Variants in EPHX3 observed in about 807,000 individuals in gnomAD.
EPHX3 encodes the protein epoxide hydrolase 3, also known as abhydrolase domain containing 9.
Under a neutral mutation model 40.2 loss-of-function variants are expected in EPHX3, and 39 were observed. The observed-to-expected ratio is 0.97, with a 90% CI of 0.75 to 1.27. The LOEUF (loss-of-function observed/expected upper bound fraction) is 1.27, where lower values mean the gene tolerates loss of function less well. Among genes scored for constraint, EPHX3 ranks in the 50% most tolerant of loss-of-function variants. The pLI is 0.00. For missense variants in EPHX3, 442 were observed against 474.0 expected (o/e 0.93, Z 0.63); for synonymous variants, 213 against 209.7 (o/e 1.02, Z -0.14).
chr19:15,233,284 G>A (rs2047168123), upstream of EPHX3: 2 of 152,496 alleles, frequency 1.3e-5, no homozygotes, highest in Non-Finnish European at 2.9e-5. Flanking sequence ...AGGGAGGCGC[G>A]GGCGGTATTA....
At position 15,227,682 on chromosome 19, in the gene EPHX3, A is replaced by G. The variant is rs748318551; in HGVS notation, c.858-20T>C. 2 of 1,612,004 alleles carry G rather than the reference A, an allele frequency of 1.2e-6. No homozygotes were observed. The highest frequency in any genetic ancestry group is 1.1e-5 in the South Asian group (1 of 90,924). On this transcript the variant is annotated intron_variant, in intron 6 of 6. Transcript: ENST00000221730. ...AAGTTCCTGTGGCCAGGACAGACAG[A>G]CAGGCAGACAGACAGGCAGAAGGAT... is the stretch of plus-strand genomic sequence containing the variant.
chr19:15,233,928 C>T (rs2047172758), upstream of EPHX3, among the ~76,000 whole-genome samples: 1 of 152,144 alleles, frequency 6.6e-6, no homozygotes, highest in Non-Finnish European at 1.5e-5. Flanking sequence ...GGCGTGGTGG[C>T]GGGCGCCTGT....
chr19:15,228,474 G>A (rs2047129267), intron 4 of EPHX3, among the ~76,000 whole-genome samples: 1 of 149,534 alleles, frequency 6.7e-6, no homozygotes, highest in Non-Finnish European at 1.5e-5. Flanking sequence ...GTTCATCCTA[G>A]GCAACTTAAG....
At chr19:15,228,144 G>A (rs778031840) in intron 4 of EPHX3, 44 bp from the exon 5 acceptor site, 2 of 1,496,516 alleles carry the variant, frequency 1.3e-6, no homozygotes, top group African/African-American at 2.7e-5. Flanking sequence ...CCTGCTCCTG[G>A]GGTGGCCCCA....
chr19:15,232,557 A>C, upstream of EPHX3: 1 of 582,756 alleles, frequency 1.7e-6, no homozygotes, highest in Non-Finnish European at 2.4e-6. Context: ...AGGAAGACTC[A>C]GCAGCGGGTG....
Position 15,231,060 on chromosome 19 carries a change from T to C in EPHX3, c.518A>G (p.Asp173Gly). The C allele has an allele frequency of 6.2e-7, 1 of 1,613,950 alleles. No homozygotes were observed. Reference protein sequence around the residue: ...GYSKCILVAHDWGALLAWHFS... With the variant: ...GYSKCILVAHGWGALLAWHFS... The stretch of plus-strand genomic sequence containing the variant: ...ATGCCAGGCAAGGAGGGCACCCCAG[T>C]CATGGGCCACAAGGATGCACTTCGA... The change falls in exon 4 of 7, where the codon GAC becomes GGC. Residue 173 changes from aspartate (D) to glycine (G), a missense_variant. Physicochemically the swap from Asp to Gly is moderately conservative, Grantham distance 94. Transcript: ENST00000221730.
At chr19:15,234,041 CAG>C (rs1253154579), upstream of EPHX3, among the ~76,000 whole-genome samples, 2 of 146,884 alleles carry the variant, frequency 1.4e-5, no homozygotes, top group African/African-American at 5.1e-5. Flanking sequence ...GCCAGGGCGA[CAG>C]AGCGAGACTC....
intron 4 of EPHX3, among the ~76,000 whole-genome samples, chr19:15,229,909 A>AAAAAAAAAAAAAAT (rs2047141769): frequency 7.0e-6 from 1 of 141,990 alleles, no homozygotes; most frequent in Non-Finnish European, 1.5e-5. Context: ...AAAAAAAAAA[A>AAAAAAAAAAAAAAT]AAGAAAAGAA....
chr19:15,227,691 C>G, intron 6 of EPHX3, 29 bp from the exon 7 acceptor site: 1 of 1,611,874 alleles, frequency 6.2e-7, no homozygotes, highest in Admixed American at 1.7e-5. Context: ...GACAGGCAGA[C>G]AGACAGGCAG....
chr19:15,234,104 A>G (rs1371880650), upstream of EPHX3, among the ~76,000 whole-genome samples: 1 of 151,786 alleles, frequency 6.6e-6, no homozygotes, highest in Non-Finnish European at 1.5e-5. Flanking sequence ...CTATTTTGCA[A>G]CCTTCTCCCG....
chr19:15,230,847 C>T (rs2047148088), intron 4 of EPHX3, 115 bp downstream of exon 4: 4 of 1,423,912 alleles, frequency 2.8e-6, no homozygotes, highest in Non-Finnish European at 3.8e-6. Flanking sequence ...GGGTTGATTG[C>T]TGCACCCTCA....
At chr19:15,229,981 A>T (rs2145482565) in intron 4 of EPHX3, among the ~76,000 whole-genome samples, 2 of 151,446 alleles carry the variant, frequency 1.3e-5, no homozygotes, top group Middle Eastern at 6.8e-3. Flanking sequence ...ACAGTGCTGC[A>T]TATTAACATC....
chr19:15,232,469 G>C (rs2145486567), upstream of EPHX3: 2 of 1,310,124 alleles, frequency 1.5e-6, no homozygotes, highest in East Asian at 3.3e-5. Flanking sequence ...GGCTGGGGAG[G>C]AAGAGGTTGG....
At chr19:15,232,479 G>A, upstream of EPHX3, 2 of 1,283,578 alleles carry the variant, frequency 1.6e-6, no homozygotes, top group South Asian at 4.0e-5. Context: ...GAAGAGGTTG[G>A]AAAGGGGGGA....
intron 2 of EPHX3, 61 bp from the exon 3 acceptor site, chr19:15,231,457 C>G (rs952819259): frequency 7.7e-6 from 12 of 1,567,022 alleles, no homozygotes; most frequent in Admixed American, 1.8e-5. Context: ...CTGCACCCTA[C>G]GCACATCAGC....
intron 2 of EPHX3, 36 bp from the exon 3 acceptor site, chr19:15,231,432 G>A: frequency 6.2e-7 from 1 of 1,606,282 alleles, no homozygotes; most frequent in African/African-American, 1.3e-5. Flanking sequence ...CTGAGTCAGG[G>A]CCCTCAGGTT....
At position 15,232,026 on chromosome 19, in the gene EPHX3, C is replaced by T. The variant is rs780972174; in HGVS notation, c.186G>A (p.Ala62=). Residue 62 remains alanine, a synonymous_variant, in exon 1 of 7, where the codon GCG becomes GCA. Transcript: ENST00000221730. ...AGGGGTCGCTCAGGCAGGCGGGGGA[C>T]GCGCTCCGACGGCGCCCGCAGCAGC... is the stretch of plus-strand genomic sequence containing the variant. The part of the protein sequence containing the change: ...RRGCCGRRRS[A]SPACLSDPSL... 1.9e-6 allele frequency: 3 copies of T among 1,593,268 alleles called. No homozygotes were observed. The highest frequency in any genetic ancestry group is 4.5e-5 in the East Asian group (2 of 44,402).
intron 4 of EPHX3, among the ~76,000 whole-genome samples, chr19:15,228,787 G>A (rs1171436968): frequency 6.6e-6 from 1 of 151,522 alleles, no homozygotes; most frequent in Non-Finnish European, 1.5e-5. Flanking sequence ...CCAAAGTTCT[G>A]GGATTACAGA....
At chr19:15,234,005 A>G (rs1034055529), upstream of EPHX3, among the ~76,000 whole-genome samples, 5 of 151,356 alleles carry the variant, frequency 3.3e-5, no homozygotes, top group Admixed American at 6.6e-5. Flanking sequence ...GGTTGCAGTG[A>G]GCTGAGATTG....
Sources: gnomAD v4.1 joint callset for allele counts (sites outside exome capture counted in the v4.1 genomes callset) on GRCh38, gnomAD v4.1.1 for gene constraint, MANE v1.5 for transcripts, NCBI Gene and HGNC (gene_info 2026-07-23, HGNC 2026-07-21) for gene names.